Variants in ARHGAP10 observed in about 807,000 individuals in gnomAD.
The protein encoded by ARHGAP10 is rho GTPase-activating protein 10.
ARHGAP10 carries 87 observed loss-of-function variants against 108.6 expected under a neutral mutation model. That is an observed-to-expected ratio of 0.80 (90% CI 0.67 to 0.96). The LOEUF (loss-of-function observed/expected upper bound fraction) is 0.96. Ranked by LOEUF, ARHGAP10 falls within the 40% of genes least tolerant of loss-of-function variation. The pLI, the probability that ARHGAP10 is intolerant of heterozygous loss-of-function variation, is 0.00. For missense variants in ARHGAP10, 939 were observed against 954.5 expected (o/e 0.98, Z 0.21); for synonymous variants, 347 against 341.1 (o/e 1.02, Z -0.19).
At chr4:147,799,451 CAAT>C (rs1472837253) in intron 1 of ARHGAP10, among the ~76,000 whole-genome samples, 1 of 152,158 alleles carries the variant, frequency 6.6e-6, no homozygotes, top group African/African-American at 2.4e-5. Context: ...TCTTGGGGCT[CAAT>C]GATACAAGGC....
At chr4:147,993,463 A>G (rs893737818) in intron 18 of ARHGAP10, among the ~76,000 whole-genome samples, 1 of 152,228 alleles carries the variant, frequency 6.6e-6, no homozygotes, top group Non-Finnish European at 1.5e-5. Context: ...CCTTGTATAC[A>G]ATTATTAATT....
intron 20 of ARHGAP10, among the ~76,000 whole-genome samples, chr4:148,058,408 C>T (rs773470524): frequency 2.6e-5 from 4 of 152,006 alleles, no homozygotes; most frequent in African/African-American, 7.3e-5. Flanking sequence ...GTATTCTCCT[C>T]GCTCTACCCT....
At chr4:147,965,208 G>A (rs1334554391) in intron 17 of ARHGAP10, 79 bp downstream of exon 17, 3 of 1,047,070 alleles carry the variant, frequency 2.9e-6, no homozygotes, top group Non-Finnish European at 4.1e-6. Flanking sequence ...TGTGACGGGT[G>A]GAACTGGGGA....
chr4:147,790,129 G>C (rs1731061263), intron 1 of ARHGAP10, among the ~76,000 whole-genome samples: 2 of 151,852 alleles, frequency 1.3e-5, no homozygotes, highest in Non-Finnish European at 2.9e-5. Flanking sequence ...CAAGATCAAG[G>C]TGCTGGTATA....
At chr4:147,904,487 G>GT (rs1459577061) in intron 10 of ARHGAP10, among the ~76,000 whole-genome samples, 2 of 151,660 alleles carry the variant, frequency 1.3e-5, no homozygotes, top group East Asian at 3.9e-4. Flanking sequence ...GCAGTGTTTG[G>GT]TTTTTTGTCC....
intron 13 of ARHGAP10, among the ~76,000 whole-genome samples, chr4:147,932,210 A>C (rs1578703819): frequency 6.6e-6 from 1 of 152,154 alleles, no homozygotes; most frequent in South Asian, 2.1e-4. Flanking sequence ...TATCGGTGGG[A>C]GTGTGAATTA....
intron 1 of ARHGAP10, among the ~76,000 whole-genome samples, chr4:147,779,508 C>A (rs1008893815): frequency 6.6e-6 from 1 of 152,032 alleles, no homozygotes; most frequent in Non-Finnish European, 1.5e-5. Flanking sequence ...GTGCAGTGTC[C>A]CCCAGATGGA....
intron 13 of ARHGAP10, among the ~76,000 whole-genome samples, chr4:147,937,392 T>C (rs1445392902): frequency 6.6e-6 from 1 of 152,172 alleles, no homozygotes; most frequent in Non-Finnish European, 1.5e-5. Context: ...ACTTTTTTTT[T>C]CAAGACCTTA....
chr4:148,006,443 A>G (rs979286575), intron 18 of ARHGAP10, among the ~76,000 whole-genome samples: 1 of 152,204 alleles, frequency 6.6e-6, no homozygotes, highest in Non-Finnish European at 1.5e-5. Context: ...GCCTGACCCC[A>G]GCAGCGTCTG....
intron 18 of ARHGAP10, among the ~76,000 whole-genome samples, chr4:148,013,402 A>G (rs1741236599): frequency 6.6e-6 from 1 of 152,052 alleles, no homozygotes; most frequent in Non-Finnish European, 1.5e-5. Flanking sequence ...TCCATGGCTT[A>G]TTTTTTCTTT....
chr4:147,976,400 C>A (rs976338081), intron 18 of ARHGAP10, among the ~76,000 whole-genome samples: 2 of 152,148 alleles, frequency 1.3e-5, no homozygotes, highest in African/African-American at 4.8e-5. Flanking sequence ...TTGTGTCTGC[C>A]TGAGTATTGA....
chr4:147,997,610 A>G (rs1159950586), intron 18 of ARHGAP10, among the ~76,000 whole-genome samples: 1 of 152,234 alleles, frequency 6.6e-6, no homozygotes, highest in Non-Finnish European at 1.5e-5. Flanking sequence ...GCATCAACAC[A>G]GGTATAGAAC....
At chr4:147,873,529 A>G (rs1734924835) in intron 7 of ARHGAP10, among the ~76,000 whole-genome samples, 1 of 151,932 alleles carries the variant, frequency 6.6e-6, no homozygotes. Context: ...AAATTATTAC[A>G]AAGATGGGGA....
At chr4:147,864,768 C>A in intron 5 of ARHGAP10, 78 bp from the exon 6 acceptor site, 1 of 1,290,998 alleles carries the variant, frequency 7.7e-7, no homozygotes, top group African/African-American at 1.5e-5. Context: ...GCCCATGGAC[C>A]ACAGTGTGAT....
At position 147,978,659 on chromosome 4, in the gene ARHGAP10, A is replaced by G. The variant is rs189110539; in HGVS notation, c.1716+11820A>G. Among the ~76,000 whole-genome samples the G allele has an allele frequency of 3.6e-3, 542 of 152,240 alleles. 1 individual carries two copies. Among genetic ancestry groups the G allele is most frequent in the Non-Finnish European group, 5.2e-3 (353 of 68,022 alleles). On this transcript the variant is annotated intron_variant, in intron 18 of 22. Coordinates refer to ENST00000336498, the MANE Select transcript of ARHGAP10 (RefSeq NM_024605.4). ...GTAATTTTCCTGAGGCCTCCCAGCC[A>G]TGCTTCATGTACAGCCTGTGGAACT...
intron 18 of ARHGAP10, among the ~76,000 whole-genome samples, chr4:148,007,015 T>A (rs937013600): frequency 6.6e-6 from 1 of 152,152 alleles, no homozygotes; most frequent in Non-Finnish European, 1.5e-5. Context: ...CATAATAGGA[T>A]GTAGAAAAAT....
chr4:147,873,720 A>ACACACACACACACACACC (rs1734942059), intron 7 of ARHGAP10, among the ~76,000 whole-genome samples: 1 of 149,016 alleles, frequency 6.7e-6, no homozygotes, highest in Non-Finnish European at 1.5e-5. Flanking sequence ...ACACACACAC[A>ACACACACACACACACACC]CACTCTTGGC....
chr4:147,914,244 CAT>C (rs1428110277), intron 13 of ARHGAP10, among the ~76,000 whole-genome samples: 4 of 152,240 alleles, frequency 2.6e-5, no homozygotes, highest in Non-Finnish European at 5.9e-5. Flanking sequence ...GAATTGAAAA[CAT>C]ACACAATTGT....
intron 13 of ARHGAP10, among the ~76,000 whole-genome samples, chr4:147,937,699 G>T (rs2126958701): frequency 6.6e-6 from 1 of 152,322 alleles, no homozygotes; most frequent in South Asian, 2.1e-4. Flanking sequence ...AAAATGTGGG[G>T]TCAGGCGTAT....
Sources: gnomAD v4.1 joint callset for allele counts (sites outside exome capture counted in the v4.1 genomes callset) on GRCh38, gnomAD v4.1.1 for gene constraint, MANE v1.5 for transcripts, NCBI Gene and HGNC (gene_info 2026-07-23, HGNC 2026-07-21) for gene names.